The following GRIK4 variants were observed in gnomAD, a reference collection of about 807,000 sequenced individuals.
GRIK4 encodes glutamate receptor ionotropic, kainate 4.
A neutral mutation model predicts 104.9 loss-of-function variants in GRIK4; 40 were observed. That is an observed-to-expected ratio of 0.38 (90% CI 0.30 to 0.50). GRIK4 has a LOEUF of 0.50. GRIK4 is among the 20% of genes least tolerant of loss of function. The pLI, the probability that GRIK4 is intolerant of heterozygous loss-of-function variation, is 0.93. For synonymous variants in GRIK4, 485 were observed against 524.9 expected (o/e 0.92, Z 1.04); for missense variants, 1,047 against 1,308.1 (o/e 0.80, Z 3.08).
intron 3 of GRIK4, among the ~76,000 whole-genome samples, chr11:120,733,953 G>A (rs1296329877): frequency 6.6e-6 from 1 of 152,020 alleles, no homozygotes; most frequent in Non-Finnish European, 1.5e-5. Context: ...GGCCAGACTG[G>A]TCTTGAACTC....
intron 1 of GRIK4, among the ~76,000 whole-genome samples, chr11:120,534,512 C>T (rs377164452): frequency 2.0e-4 from 31 of 152,024 alleles, no homozygotes; most frequent in Non-Finnish European, 2.8e-4. Context: ...GAACCGTGCA[C>T]GCTGGGGCCT....
intron 3 of GRIK4, among the ~76,000 whole-genome samples, chr11:120,738,945 G>A (rs549292709): frequency 3.9e-5 from 6 of 152,320 alleles, no homozygotes; most frequent in South Asian, 2.1e-4. Context: ...CTGGCTTGTC[G>A]GCAGAGAGGA....
intron 13 of GRIK4, among the ~76,000 whole-genome samples, chr11:120,931,002 T>G (rs914192067): frequency 6.6e-6 from 1 of 152,208 alleles, no homozygotes; most frequent in African/African-American, 2.4e-5. Flanking sequence ...CCCGCTTTAT[T>G]CCAGGTAATG....
chr11:120,573,179 G>A, intron 1 of GRIK4, among the ~76,000 whole-genome samples: 1 of 152,208 alleles, frequency 6.6e-6, no homozygotes, highest in East Asian at 1.9e-4. Context: ...TGAAGGACAA[G>A]CGGTCTGCTA....
intron 4 of GRIK4, among the ~76,000 whole-genome samples, chr11:120,815,042 C>T (rs751219147): frequency 1.1e-4 from 16 of 152,226 alleles, no homozygotes; most frequent in South Asian, 2.1e-4. Flanking sequence ...CAGGCCAGGC[C>T]GTGGGATGGA....
At chr11:120,910,000 T>A (rs1340269479) in intron 13 of GRIK4, among the ~76,000 whole-genome samples, 1 of 152,218 alleles carries the variant, frequency 6.6e-6, no homozygotes, top group African/African-American at 2.4e-5. Context: ...AGGAATGGAT[T>A]CATGTCATCA....
chr11:120,823,288 G>T (rs1953172174), intron 6 of GRIK4, among the ~76,000 whole-genome samples: 1 of 152,226 alleles, frequency 6.6e-6, no homozygotes, highest in African/African-American at 2.4e-5. Flanking sequence ...TTGGGAAACA[G>T]GTTGCTCAGA....
intron 4 of GRIK4, among the ~76,000 whole-genome samples, chr11:120,806,387 AG>A (rs1303110484): frequency 6.6e-6 from 1 of 152,084 alleles, no homozygotes; most frequent in East Asian, 1.9e-4. Context: ...AGTTGTGGTG[AG>A]CCACCTCAAG....
At chr11:120,839,721 G>A (rs541743427) in intron 8 of GRIK4, among the ~76,000 whole-genome samples, 16 of 152,196 alleles carry the variant, frequency 1.1e-4, no homozygotes, top group African/African-American at 2.4e-5. Context: ...TATTTGTGTC[G>A]GTAATTACTG....
intron 3 of GRIK4, among the ~76,000 whole-genome samples, chr11:120,736,189 G>A (rs1476862327): frequency 1.2e-4 from 19 of 152,074 alleles, no homozygotes; most frequent in Admixed American, 1.2e-3. Flanking sequence ...CTTCAAGGTA[G>A]CAGGTTCCCT....
At chr11:120,943,159 A>AC (rs1382888508) in intron 14 of GRIK4, among the ~76,000 whole-genome samples, 25 of 49,394 alleles carry the variant, frequency 5.1e-4, no homozygotes, top group Non-Finnish European at 9.7e-4. Context: ...CACCCCCCTG[A>AC]CTGTTTGGTG....
chr11:120,876,545 C>T (rs1954826090), intron 11 of GRIK4, among the ~76,000 whole-genome samples: 2 of 150,550 alleles, frequency 1.3e-5, no homozygotes, highest in Non-Finnish European at 3.0e-5. Flanking sequence ...AAGCTTTTAC[C>T]ATGAGCCTTA....
In GRIK4 at chr11:120,679,671, G is replaced by A. The variant is rs76823358; in HGVS notation, c.82+19271G>A. Reference sequence around the variant, plus strand: ...AAGAGAGCAGGGACCCTCCTGGCAGGGAGGACTTGTCTAACTGAACCTCCC... The same window carrying A: ...AAGAGAGCAGGGACCCTCCTGGCAGAGAGGACTTGTCTAACTGAACCTCCC... On this transcript the variant is annotated intron_variant, in intron 3 of 20. Coordinates refer to ENST00000527524, the MANE Select transcript of GRIK4 (RefSeq NM_014619.5). Among the ~76,000 whole-genome samples, 118 of 152,258 alleles carry A rather than the reference G, an allele frequency of 7.7e-4. 4 individuals are homozygous for A. In the East Asian group the frequency reaches 0.023, roughly 29 times the overall value.
intron 8 of GRIK4, among the ~76,000 whole-genome samples, chr11:120,838,392 C>A (rs1029386638): frequency 6.6e-5 from 10 of 152,142 alleles, no homozygotes; most frequent in African/African-American, 2.2e-4. Context: ...GTTTCTAAGG[C>A]ATTATATTTA....
intron 3 of GRIK4, among the ~76,000 whole-genome samples, chr11:120,692,885 C>G (rs1325127537): frequency 6.6e-6 from 1 of 151,982 alleles, no homozygotes; most frequent in Non-Finnish European, 1.5e-5. Context: ...GCTCCCACCA[C>G]CATGCCCAGC....
At chr11:120,788,011 G>A (rs376853157) in intron 3 of GRIK4, among the ~76,000 whole-genome samples, 3 of 150,442 alleles carry the variant, frequency 2.0e-5, no homozygotes, top group Non-Finnish European at 4.4e-5. Context: ...GACTGCAGGC[G>A]CACACCACCA....
At chr11:120,853,988 C>G (rs1394305348) in intron 8 of GRIK4, among the ~76,000 whole-genome samples, 1 of 152,182 alleles carries the variant, frequency 6.6e-6, no homozygotes, top group African/African-American at 2.4e-5. Flanking sequence ...CATTTAACTC[C>G]TGGGCACCTC....
intron 8 of GRIK4, among the ~76,000 whole-genome samples, chr11:120,843,842 G>A (rs1041016450): frequency 2.6e-5 from 4 of 152,162 alleles, no homozygotes; most frequent in African/African-American, 9.6e-5. Context: ...CCTGGAGTGA[G>A]GGGAGAATGC....
intron 1 of GRIK4, among the ~76,000 whole-genome samples, chr11:120,558,153 G>T (rs1591693193): frequency 6.6e-6 from 1 of 152,090 alleles, no homozygotes; most frequent in African/African-American, 2.4e-5. Flanking sequence ...ACCTCTCTGA[G>T]CCTCAGTTTT....
Sources: gnomAD v4.1 joint callset for allele counts (sites outside exome capture counted in the v4.1 genomes callset) on GRCh38, gnomAD v4.1.1 for gene constraint, MANE v1.5 for transcripts, NCBI Gene and HGNC (gene_info 2026-07-23, HGNC 2026-07-21) for gene names.